Variants in WDR35 observed in about 807,000 individuals in gnomAD.
The protein encoded by WDR35 is WD repeat domain 35, also known as WD repeat-containing protein 35.
A neutral mutation model predicts 158.3 loss-of-function variants in WDR35; 118 were observed. The observed-to-expected ratio is 0.75, with a 90% CI of 0.64 to 0.87. The LOEUF (loss-of-function observed/expected upper bound fraction) is 0.87. WDR35 is among the 40% of genes least tolerant of loss of function. The probability of loss-of-function intolerance (pLI) is 0.00; values close to 1 mark genes in which losing one functional copy is unlikely to be tolerated. For synonymous variants in WDR35, 448 were observed against 476.1 expected, an observed-to-expected ratio of 0.94 and a Z score of 0.77; for missense variants, 1,263 against 1,405.8, an observed-to-expected ratio of 0.90 and a Z score of 1.62.
rs780823872 is a variant in WDR35 at position 19,966,673 on chromosome 2, T to C, written c.1194+51A>G. The C allele has an allele frequency of 6.3e-6, 10 of 1,594,590 alleles. No homozygotes were observed. In the African/African-American group the frequency reaches 9.4e-5, roughly 15 times the overall value. Reference sequence around the variant, plus strand: ...CCATGCTTGAAAAGGTAGAAAACTATAACCCAAGCAGTTAGCCCAGCTATG... The same window carrying C: ...CCATGCTTGAAAAGGTAGAAAACTACAACCCAAGCAGTTAGCCCAGCTATG... On this transcript the variant is annotated intron_variant, in intron 10 of 26. Coordinates refer to ENST00000281405, the MANE Select transcript of WDR35 (RefSeq NM_020779.4).
chr2:19,938,061 A>G, intron 18 of WDR35, 115 bp from the exon 19 acceptor site: 1 of 1,409,922 alleles, frequency 7.1e-7, no homozygotes, highest in Non-Finnish European at 9.8e-7. Flanking sequence ...AACATGGTGG[A>G]AAGTAACATA....
chr2:19,988,401 A>T (rs1672640198), intron 2 of WDR35, among the ~76,000 whole-genome samples: 1 of 152,244 alleles, frequency 6.6e-6, no homozygotes, highest in Admixed American at 6.5e-5. Context: ...GTGGGGGTAG[A>T]GCATGAAATC....
intron 11 of WDR35, among the ~76,000 whole-genome samples, chr2:19,958,580 AATC>A (rs1317993505): frequency 1.3e-5 from 2 of 152,232 alleles, no homozygotes; most frequent in African/African-American, 4.8e-5. Context: ...TAAATAAATG[AATC>A]ATCATTTTTT....
intron 11 of WDR35, among the ~76,000 whole-genome samples, chr2:19,957,206 T>C (rs1671474055): frequency 6.6e-6 from 1 of 152,194 alleles, no homozygotes; most frequent in Non-Finnish European, 1.5e-5. Flanking sequence ...ATGGTTGCTA[T>C]TGTTCTTTTC....
intron 25 of WDR35, among the ~76,000 whole-genome samples, chr2:19,929,316 A>G (rs1670455455): frequency 6.6e-6 from 1 of 152,236 alleles, no homozygotes; most frequent in South Asian, 2.1e-4. Flanking sequence ...AATTTCTCTA[A>G]AAGTTTTCTT....
chr2:19,914,801 A>G (rs891178852), intron 25 of WDR35, among the ~76,000 whole-genome samples: 1 of 152,172 alleles, frequency 6.6e-6, no homozygotes, highest in African/African-American at 2.4e-5. Context: ...CACTGAAACA[A>G]TAGGATTTTG....
In WDR35 at chr2:19,931,342, G is replaced by C. The variant is rs1281384371; in HGVS notation, c.2891C>G (p.Ala964Gly). The C allele has an allele frequency of 1.5e-5, 25 of 1,613,200 alleles. No homozygotes were observed. Among genetic ancestry groups the C allele is most frequent in the Non-Finnish European group, 2.0e-5 (24 of 1,179,690 alleles). ...TTCATGGTATTGCTCTATAAGTAAG[G>C]CTGACAGTACATAGAGCTTCTTGAC... Reference protein sequence around the residue: ...LRVKKLYVLSALLIEQYHEQM... With the variant: ...LRVKKLYVLSGLLIEQYHEQM... Residue 964 changes from alanine to glycine, a missense_variant, in exon 24 of 27, where the codon GCC becomes GGC. Transcript: ENST00000281405.
At chr2:19,924,596 C>T (rs1441105111) in intron 25 of WDR35, among the ~76,000 whole-genome samples, 1 of 152,128 alleles carries the variant, frequency 6.6e-6, no homozygotes, top group Non-Finnish European at 1.5e-5. Flanking sequence ...TTTGGCTGCT[C>T]AGGATATAGT....
intron 25 of WDR35, among the ~76,000 whole-genome samples, chr2:19,921,851 A>G (rs1216311323): frequency 6.6e-6 from 1 of 152,256 alleles, no homozygotes; most frequent in Non-Finnish European, 1.5e-5. Context: ...CAGAATCTAC[A>G]AAGAACTTAA....
rs1298550270 is a variant in WDR35, at chr2:19,919,548, C to CACAGT, written c.3122-5276_3122-5272dup. Among the ~76,000 whole-genome samples, 4 of 152,188 alleles carry CACAGT rather than the reference C, an allele frequency of 2.6e-5. No individual in the cohort carries two copies. In the East Asian group the frequency reaches 7.7e-4, roughly 29 times the overall value. ...TCTTTGAAACCAATGAGAACAAAGA[C>CACAGT]ACAGTGCAGCAGAATTTCTGGAATG... On this transcript the variant is annotated intron_variant, in intron 25 of 26. Transcript: ENST00000281405.
chr2:19,982,760 T>G (rs1051777344), intron 2 of WDR35, among the ~76,000 whole-genome samples: 1 of 152,202 alleles, frequency 6.6e-6, no homozygotes, highest in Non-Finnish European at 1.5e-5. Context: ...TACTCATACA[T>G]TACATATATT....
intron 10 of WDR35, among the ~76,000 whole-genome samples, chr2:19,966,112 C>A (rs1307268109): frequency 6.6e-6 from 1 of 152,096 alleles, no homozygotes; most frequent in African/African-American, 2.4e-5. Flanking sequence ...CATGGCTGTT[C>A]AAAGAGTCAC....
chr2:19,931,209 C>CTTTT, intron 24 of WDR35, 60 bp downstream of exon 24: 3 of 1,225,588 alleles, frequency 2.4e-6, no homozygotes, highest in Admixed American at 2.3e-5. Context: ...TTAATAGTTT[C>CTTTT]TTTTTTTTTT....
chr2:19,947,367 A>AT (rs1181198991), intron 14 of WDR35, among the ~76,000 whole-genome samples: 3 of 152,182 alleles, frequency 2.0e-5, no homozygotes, highest in East Asian at 1.9e-4. Context: ...TGCTCTTAAG[A>AT]TTTTTCCCCC....
chr2:19,966,974 A>G, intron 9 of WDR35, 65 bp from the exon 10 acceptor site: 2 of 1,490,948 alleles, frequency 1.3e-6, no homozygotes, highest in Non-Finnish European at 1.9e-6. Flanking sequence ...TAGTATTGGG[A>G]AGGCAAATCA....
rs1672703038 is a variant in WDR35 at position 19,989,998 on chromosome 2, G to A, written c.18C>T (p.Ser6=). 1.2e-6 allele frequency: 2 copies of A among 1,613,982 alleles called. No individual in the cohort carries two copies. Among genetic ancestry groups the A allele is most frequent in the Non-Finnish European group, 8.5e-7 (1 of 1,179,944 alleles). Residue 6 remains serine, a synonymous_variant, in exon 1 of 27, where the codon AGC becomes AGT. Transcript: ENST00000281405. The part of the protein sequence containing the change: MFFYL[S]KKISIPNNVK... Reference sequence around the variant, plus strand: ...CGCCCCCCAGGAAACTCACTTTCTTGCTCAGGTAGAAGAACATCGTGGGAT... The same window carrying A: ...CGCCCCCCAGGAAACTCACTTTCTTACTCAGGTAGAAGAACATCGTGGGAT...
At chr2:19,944,744 TCAGG>T (rs1670993851) in intron 16 of WDR35, among the ~76,000 whole-genome samples, 1 of 152,094 alleles carries the variant, frequency 6.6e-6, no homozygotes. Flanking sequence ...GCACTTTACA[TCAGG>T]GCATTTTACA....
chr2:19,924,133 C>T lies in WDR35; in HGVS notation c.3121+6263G>A, dbSNP rs1008665594. ...GGTCATGCAGGATGATGCCATAGAACAGCTTAGAGGAGTGTGCATTAGAGC... is the reference window on the plus strand; with the variant it reads ...GGTCATGCAGGATGATGCCATAGAATAGCTTAGAGGAGTGTGCATTAGAGC... On this transcript the variant is annotated intron_variant, in intron 25 of 26. Coordinates refer to ENST00000281405, the MANE Select transcript of WDR35 (RefSeq NM_020779.4). Among the ~76,000 whole-genome samples, 8 of 152,272 alleles carry T rather than the reference C, an allele frequency of 5.3e-5. No homozygotes were observed. In the Middle Eastern group the frequency reaches 0.014, roughly 259 times the overall value.
intron 1 of WDR35, among the ~76,000 whole-genome samples, chr2:19,989,633 C>A (rs975186433): frequency 1.3e-5 from 2 of 152,210 alleles, no homozygotes; most frequent in Non-Finnish European, 2.9e-5. Flanking sequence ...ATTGTTATTT[C>A]TTTTCTCTTG....
Sources: allele counts gnomAD v4.1 joint callset (sites outside exome capture counted in the v4.1 genomes callset), GRCh38; gene constraint gnomAD v4.1.1; transcripts MANE v1.5; gene names NCBI Gene and HGNC (gene_info 2026-07-23, HGNC 2026-07-21).